PRICKLE2: variants seen among roughly 807,000 people sequenced by gnomAD.
PRICKLE2 encodes the protein prickle-like protein 2.
Under a neutral mutation model 81.4 loss-of-function variants are expected in PRICKLE2, and 21 were observed. The observed-to-expected ratio is 0.26, with a 90% CI of 0.18 to 0.37. The LOEUF (loss-of-function observed/expected upper bound fraction) is 0.37. Among genes scored for constraint, PRICKLE2 ranks in the 10% least tolerant of loss-of-function variants. The pLI, the probability that PRICKLE2 is intolerant of heterozygous loss-of-function variation, is 1.00. For missense variants in PRICKLE2, 940 were observed against 1,109.0 expected (o/e 0.85, Z 2.16); for synonymous variants, 456 against 421.5 (o/e 1.08, Z -1.00).
At chr3:64,173,763 C>G (rs900196138) in intron 2 of PRICKLE2, among the ~76,000 whole-genome samples, 2 of 152,214 alleles carry the variant, frequency 1.3e-5, no homozygotes, top group Non-Finnish European at 1.5e-5. Flanking sequence ...CAGCAAATCA[C>G]ACATTAAGCC....
intron 7 of PRICKLE2, among the ~76,000 whole-genome samples, chr3:64,103,928 C>A (rs917381834): frequency 2.6e-5 from 4 of 151,976 alleles, no homozygotes; most frequent in Non-Finnish European, 4.4e-5. Flanking sequence ...TGCAGTGAGC[C>A]GAGATTGTGC....
chr3:64,193,304 T>TCCCAGGTAGCATCC (rs1306100002), intron 2 of PRICKLE2, among the ~76,000 whole-genome samples: 8 of 152,168 alleles, frequency 5.3e-5, no homozygotes, highest in African/African-American at 1.4e-4. Context: ...CTGGTACTTT[T>TCCCAGGTAGCATCC]TGGGATGCTT....
At chr3:64,135,951 G>A (rs2077272476) in intron 7 of PRICKLE2, among the ~76,000 whole-genome samples, 1 of 152,154 alleles carries the variant, frequency 6.6e-6, no homozygotes, top group Non-Finnish European at 1.5e-5. Flanking sequence ...AGATTAGAGT[G>A]TTTTGTTGTC....
At chr3:64,252,215 G>T (rs2079457141) in intron 2 of PRICKLE2, among the ~76,000 whole-genome samples, 1 of 152,168 alleles carries the variant, frequency 6.6e-6, no homozygotes, top group Admixed American at 6.5e-5. Context: ...AATGAAAAAT[G>T]TGAGGCAATC....
chr3:64,264,444 C>A (rs2079666835), intron 2 of PRICKLE2, among the ~76,000 whole-genome samples: 1 of 152,190 alleles, frequency 6.6e-6, no homozygotes, highest in South Asian at 2.1e-4. Context: ...ACTATAAAGT[C>A]TGAGAAAGAC....
At chr3:64,144,962 A>C (rs1326504430) in intron 7 of PRICKLE2, among the ~76,000 whole-genome samples, 2 of 152,182 alleles carry the variant, frequency 1.3e-5, no homozygotes, top group East Asian at 3.8e-4. Context: ...GATGGGTGAT[A>C]GTTCTCAGCC....
intron 2 of PRICKLE2, among the ~76,000 whole-genome samples, chr3:64,170,075 C>T (rs143818869): frequency 5.3e-5 from 8 of 152,180 alleles, no homozygotes; most frequent in Non-Finnish European, 7.4e-5. Flanking sequence ...AGAAAAGTGC[C>T]GTTAAGTGGC....
intron 2 of PRICKLE2, among the ~76,000 whole-genome samples, chr3:64,184,604 G>T (rs542239525): frequency 6.6e-6 from 1 of 152,054 alleles, no homozygotes; most frequent in South Asian, 2.1e-4. Flanking sequence ...CTCCTGAATG[G>T]CTGGGGCTAC....
At chr3:64,193,848 T>C (rs1318393986) in intron 2 of PRICKLE2, among the ~76,000 whole-genome samples, 1 of 152,232 alleles carries the variant, frequency 6.6e-6, no homozygotes. Context: ...TGCTCCTCCT[T>C]GCTTTCTGCC....
At chr3:64,113,424 TG>T (rs2076882702) in intron 7 of PRICKLE2, among the ~76,000 whole-genome samples, 1 of 152,110 alleles carries the variant, frequency 6.6e-6, no homozygotes, top group African/African-American at 2.4e-5. Flanking sequence ...AGGGCAGTCT[TG>T]GGTACCTTGG....
intron 2 of PRICKLE2, among the ~76,000 whole-genome samples, chr3:64,233,435 T>C (rs1200903016): frequency 3.3e-5 from 5 of 152,232 alleles, no homozygotes; most frequent in Non-Finnish European, 7.3e-5. Context: ...CTCCTGCTAC[T>C]GTCTCCCTTC....
chr3:64,162,943 C>G, intron 3 of PRICKLE2, 73 bp downstream of exon 3: 2 of 958,006 alleles, frequency 2.1e-6, no homozygotes. Flanking sequence ...TCATTGGTGG[C>G]AGATTATGAA....
chr3:64,192,974 A>G (rs990862072), intron 2 of PRICKLE2, among the ~76,000 whole-genome samples: 16 of 152,170 alleles, frequency 1.1e-4, no homozygotes, highest in Non-Finnish European at 2.4e-4. Context: ...GACGAGAACT[A>G]ATATAAAATC....
intron 2 of PRICKLE2, among the ~76,000 whole-genome samples, chr3:64,233,588 C>A (rs2079136617): frequency 1.3e-5 from 2 of 152,192 alleles, no homozygotes. Context: ...TTGGTGAGGG[C>A]TAAGTCTTAC....
chr3:64,155,477 G>T (rs1252358094), intron 5 of PRICKLE2, among the ~76,000 whole-genome samples: 1 of 151,974 alleles, frequency 6.6e-6, no homozygotes, highest in Non-Finnish European at 1.5e-5. Flanking sequence ...AAGACAATTT[G>T]GCATTCCCTC....
intron 3 of PRICKLE2, among the ~76,000 whole-genome samples, chr3:64,160,403 G>A (rs1396179428): frequency 6.6e-6 from 1 of 152,206 alleles, no homozygotes; most frequent in Non-Finnish European, 1.5e-5. Context: ...GGGTGGCTCA[G>A]CTGCCAGGAA....
chr3:64,221,677 A>G (rs2078957202), intron 1 of PRICKLE2, among the ~76,000 whole-genome samples: 1 of 152,192 alleles, frequency 6.6e-6, no homozygotes, highest in African/African-American at 2.4e-5. Context: ...GAAAGGTTTC[A>G]GTGGATCTTT....
In PRICKLE2 at chr3:64,092,832, G is replaced by A. The variant is rs2076524886; in HGVS notation, c.*6219C>T. The A allele has an allele frequency of 6.6e-6, 1 of 152,198 alleles. No individual in the cohort carries two copies. Among genetic ancestry groups the A allele is most frequent in the Non-Finnish European group, 1.5e-5 (1 of 68,046 alleles). 9.4% of individuals were successfully genotyped at this position (152,198 alleles called of 1,614,324 possible). On this transcript the variant is annotated 3_prime_UTR_variant, in exon 8 of 8. Transcript: ENST00000638394. ...ATTGAAACCAGTGGTTCTCAACAGGGAGACATTGACAATGTGTGGAGACAT... is the reference window on the plus strand; with the variant it reads ...ATTGAAACCAGTGGTTCTCAACAGGAAGACATTGACAATGTGTGGAGACAT...
intron 2 of PRICKLE2, among the ~76,000 whole-genome samples, chr3:64,232,001 G>A (rs1209287546): frequency 9.2e-5 from 14 of 152,150 alleles, no homozygotes; most frequent in Admixed American, 9.2e-4. Flanking sequence ...TGAAGTGTGG[G>A]AAATAATGTG....
Sources: allele counts gnomAD v4.1 joint callset (sites outside exome capture counted in the v4.1 genomes callset), GRCh38; gene constraint gnomAD v4.1.1; transcripts MANE v1.5; gene names NCBI Gene and HGNC (gene_info 2026-07-23, HGNC 2026-07-21).